The following IL18R1 variants were observed in gnomAD, a reference collection of about 807,000 sequenced individuals.
IL18R1 encodes interleukin-18 receptor 1.
In IL18R1, 40 loss-of-function variants were observed where a neutral mutation model predicts 48.5. The observed-to-expected ratio is 0.82, with a 90% confidence interval of 0.64 to 1.07. The LOEUF is 1.07. Among genes scored for constraint, IL18R1 ranks in the 50% least tolerant of loss-of-function variants. IL18R1 has a pLI of 0.00. For missense variants in IL18R1, 596 were observed against 633.7 expected, an observed-to-expected ratio of 0.94 and a Z score of 0.64; for synonymous variants, 232 against 225.9, an observed-to-expected ratio of 1.03 and a Z score of -0.24.
intron 3 of IL18R1, 60 bp from the exon 4 acceptor site, chr2:102,371,893 G>A (rs1161419417): frequency 3.3e-6 from 3 of 903,854 alleles, no homozygotes; most frequent in Non-Finnish European, 5.0e-6. Context: ...AAGGGAAGAT[G>A]GGTGATATTT....
chr2:102,357,358 G>A (rs532464219), intron 1 of IL18R1, among the ~76,000 whole-genome samples: 25 of 152,154 alleles, frequency 1.6e-4, no homozygotes, highest in Middle Eastern at 3.4e-3. Context: ...AGGCATGGTG[G>A]CATGCATCTG....
intron 2 of IL18R1, chr2:102,362,998 C>T (rs1255888354): frequency 8.3e-6 from 2 of 242,280 alleles, no homozygotes; most frequent in Non-Finnish European, 1.6e-5. Context: ...ACACTTTCTC[C>T]TTCCTGAGAG....
intron 5 of IL18R1, among the ~76,000 whole-genome samples, chr2:102,378,556 T>C (rs1679731608): frequency 6.6e-6 from 1 of 152,264 alleles, no homozygotes; most frequent in Non-Finnish European, 1.5e-5. Context: ...TCCACTCAAA[T>C]GTCGCTCCTC....
intron 9 of IL18R1, among the ~76,000 whole-genome samples, chr2:102,393,372 A>G (rs990512643): frequency 5.3e-5 from 8 of 152,238 alleles, no homozygotes; most frequent in East Asian, 1.9e-4. Flanking sequence ...TCATCTTTCA[A>G]TGCATGCAAT....
intron 6 of IL18R1, among the ~76,000 whole-genome samples, chr2:102,382,080 C>T (rs1373805773): frequency 1.3e-5 from 2 of 152,084 alleles, no homozygotes; most frequent in African/African-American, 4.8e-5. Flanking sequence ...TGAGACCAAC[C>T]TGACCAGCAC....
rs148457935 is a variant in IL18R1 at position 102,384,884 on chromosome 2, A to T, written c.695A>T (p.Asn232Ile). The T allele has an allele frequency of 3.9e-4, 631 of 1,606,932 alleles. 1 individual carries two copies. In the African/African-American group the frequency reaches 7.7e-3, roughly 20 times the overall value. ...LNHVAVELGKNVRLNCSALLN... is the reference protein window; with the variant it reads ...LNHVAVELGKIVRLNCSALLN... ...AGTTGCCAACTTTTACCAGGAAAAAACGTAAGGCTCAACTGCTCTGCTTTG... is the reference window on the plus strand; with the variant it reads ...AGTTGCCAACTTTTACCAGGAAAAATCGTAAGGCTCAACTGCTCTGCTTTG... Residue 232 changes from asparagine (N) to isoleucine (I), a missense_variant, in exon 7 of 11, where the codon AAC (asparagine) becomes ATC (isoleucine). Transcript: ENST00000233957.
At chr2:102,388,854 T>C (rs1680396095) in intron 8 of IL18R1, among the ~76,000 whole-genome samples, 1 of 152,146 alleles carries the variant, frequency 6.6e-6, no homozygotes, top group Non-Finnish European at 1.5e-5. Flanking sequence ...TAGAAAGATA[T>C]GGAAAGATAA....
At position 102,390,029 on chromosome 2, in the gene IL18R1, C is replaced by A. The variant is rs1297522235; in HGVS notation, c.950-27C>A. 4 of 1,610,696 alleles carry A rather than the reference C, an allele frequency of 2.5e-6. No homozygotes were observed. In the African/African-American group the frequency reaches 5.3e-5, roughly 22 times the overall value. On this transcript the variant is annotated intron_variant, in intron 8 of 10. Transcript: ENST00000233957. ...ACTGGTAAGATTTCTTGATTATTTT[C>A]TTTTCCTTTTTCCCTTTCTTTTCTA...
At chr2:102,372,193 A>G (rs1482044413) in intron 4 of IL18R1, 75 bp downstream of exon 4, 10 of 1,231,400 alleles carry the variant, frequency 8.1e-6, no homozygotes, top group Non-Finnish European at 1.1e-5. Context: ...GCTGAGAGCT[A>G]CCATTCTGGT....
At chr2:102,395,282 T>C (rs1680760044) in intron 10 of IL18R1, among the ~76,000 whole-genome samples, 1 of 152,128 alleles carries the variant, frequency 6.6e-6, no homozygotes, top group Non-Finnish European at 1.5e-5. Context: ...TTAGATTTTC[T>C]CTGAAGTCTT....
At chr2:102,383,635 C>T (rs942630877) in intron 6 of IL18R1, among the ~76,000 whole-genome samples, 8 of 152,060 alleles carry the variant, frequency 5.3e-5, no homozygotes, top group Non-Finnish European at 1.0e-4. Context: ...TTTTTTTAAA[C>T]ATCCCTTTAC....
At chr2:102,369,057 C>A (rs565327322) in intron 3 of IL18R1, among the ~76,000 whole-genome samples, 1 of 152,232 alleles carries the variant, frequency 6.6e-6, no homozygotes, top group South Asian at 2.1e-4. Flanking sequence ...TGATAAAAAT[C>A]AGTACATCTT....
intron 10 of IL18R1, among the ~76,000 whole-genome samples, chr2:102,395,878 G>A (rs1031378213): frequency 1.3e-5 from 2 of 152,160 alleles, no homozygotes; most frequent in Admixed American, 6.5e-5. Flanking sequence ...CACGCACATT[G>A]GTTTACCTGT....
At chr2:102,386,359 C>A (rs1573222836) in intron 7 of IL18R1, among the ~76,000 whole-genome samples, 1 of 152,218 alleles carries the variant, frequency 6.6e-6, no homozygotes, top group African/African-American at 2.4e-5. Flanking sequence ...ACTTAACTGG[C>A]ACTTCTCATG....
intron 4 of IL18R1, among the ~76,000 whole-genome samples, chr2:102,373,470 G>GA (rs1679388285): frequency 6.6e-6 from 1 of 150,798 alleles, no homozygotes; most frequent in South Asian, 2.1e-4. Context: ...TGTGGGGTGG[G>GA]AGGGTAGGGG....
intron 2 of IL18R1, among the ~76,000 whole-genome samples, chr2:102,367,295 A>G (rs965894647): frequency 6.6e-6 from 1 of 152,228 alleles, no homozygotes. Context: ...TGTAAGTTAC[A>G]TAGGCACACT....
intron 5 of IL18R1, among the ~76,000 whole-genome samples, chr2:102,379,444 C>CAAAAAAAAAAAAAAAAAAAAAAAGAAAAA (rs112656218): frequency 9.7e-6 from 1 of 102,944 alleles, no homozygotes. Flanking sequence ...GACTCGGTCT[C>CAAAAAAAAAAAAAAAAAAAAAAAGAAAAA]AAAAAAAAAA....
chr2:102,375,780 T>C, intron 4 of IL18R1, 127 bp from the exon 5 acceptor site: 1 of 590,800 alleles, frequency 1.7e-6, no homozygotes, highest in South Asian at 3.0e-5. Context: ...GGGACATATG[T>C]CCAGGAATTG....
chr2:102,378,433 C>G (rs1679722559), intron 5 of IL18R1, among the ~76,000 whole-genome samples: 1 of 152,206 alleles, frequency 6.6e-6, no homozygotes, highest in South Asian at 2.1e-4. Context: ...TAATGACCAT[C>G]TCCCACTGCT....
Sources: gnomAD v4.1 joint callset for allele counts (sites outside exome capture counted in the v4.1 genomes callset) on GRCh38, gnomAD v4.1.1 for gene constraint, MANE v1.5 for transcripts, NCBI Gene and HGNC (gene_info 2026-07-23, HGNC 2026-07-21) for gene names.